The following NRG3 variants were observed in gnomAD, a reference collection of about 807,000 sequenced individuals.
The protein encoded by NRG3 is neuregulin 3.
In NRG3, 31 loss-of-function variants were observed where a neutral mutation model predicts 66.9. The observed-to-expected ratio is 0.46, with a 90% CI of 0.35 to 0.63. The LOEUF (loss-of-function observed/expected upper bound fraction) is 0.63, where lower values mean the gene tolerates loss of function less well. Ranked by LOEUF, NRG3 falls within the 20% of genes least tolerant of loss-of-function variation. The pLI is 0.00. For synonymous variants in NRG3, 393 were observed against 359.4 expected, an observed-to-expected ratio of 1.09 and a Z score of -1.06; for missense variants, 910 against 878.9, an observed-to-expected ratio of 1.04 and a Z score of -0.45.
At chr10:82,650,071 C>A (rs2133881711) in intron 2 of NRG3, among the ~76,000 whole-genome samples, 1 of 152,154 alleles carries the variant, frequency 6.6e-6, no homozygotes, top group Non-Finnish European at 1.5e-5. Flanking sequence ...AAGCATGGGG[C>A]CAGGTGGTAC....
intron 7 of NRG3, 24 bp downstream of exon 7, chr10:82,973,939 G>A (rs919549061): frequency 1.2e-6 from 2 of 1,613,300 alleles, no homozygotes; most frequent in Non-Finnish European, 1.7e-6. Context: ...ATCATGGTGG[G>A]TGTGGGCACC....
rs562982236 is a variant in NRG3, at chr10:81,897,618, C to T, written c.823+21455C>T. 4.6e-4 allele frequency among the ~76,000 whole-genome samples: 70 copies of T among 151,328 alleles called. 1 individual carries two copies. The South Asian group carries it at 0.011, about 23-fold the overall frequency. On this transcript the variant is annotated intron_variant, in intron 1 of 8. Coordinates refer to ENST00000372141, the MANE Select transcript of NRG3 (RefSeq NM_001010848.4). ...AGTTGGATTGGGTGGGGGGATGGGGCGAGGGATAAAAGAGTGGTTTTAAGC... is the reference window on the plus strand; with the variant it reads ...AGTTGGATTGGGTGGGGGGATGGGGTGAGGGATAAAAGAGTGGTTTTAAGC...
intron 1 of NRG3, among the ~76,000 whole-genome samples, chr10:82,185,284 C>T (rs1421349607): frequency 6.6e-6 from 1 of 152,136 alleles, no homozygotes; most frequent in Non-Finnish European, 1.5e-5. Context: ...ATGTAAGATG[C>T]TAGACTATCT....
chr10:82,590,649 G>C (rs1219135452), intron 2 of NRG3, among the ~76,000 whole-genome samples: 1 of 152,138 alleles, frequency 6.6e-6, no homozygotes, highest in African/African-American at 2.4e-5. Context: ...ATTAACAAGG[G>C]GTTGTGGTGC....
intron 4 of NRG3, among the ~76,000 whole-genome samples, chr10:82,881,651 T>G (rs914769197): frequency 6.6e-6 from 1 of 152,204 alleles, no homozygotes; most frequent in Non-Finnish European, 1.5e-5. Context: ...TATCAAATTT[T>G]GACTTCATCT....
chr10:82,249,083 TC>T (rs1180933780), intron 1 of NRG3, among the ~76,000 whole-genome samples: 1 of 152,326 alleles, frequency 6.6e-6, no homozygotes, highest in Admixed American at 6.5e-5. Context: ...CATAAGTCTG[TC>T]CTCTCTGAAA....
intron 2 of NRG3, among the ~76,000 whole-genome samples, chr10:82,689,255 G>A (rs1486366874): frequency 6.6e-6 from 1 of 152,120 alleles, no homozygotes; most frequent in African/African-American, 2.4e-5. Flanking sequence ...AAAGATACCT[G>A]AGAGAGAACT....
At chr10:82,205,488 ATCAGG>A (rs2075070835) in intron 1 of NRG3, among the ~76,000 whole-genome samples, 1 of 152,176 alleles carries the variant, frequency 6.6e-6, no homozygotes, top group Admixed American at 6.5e-5. Flanking sequence ...AGGTATATGA[ATCAGG>A]CTCAGTAAGA....
chr10:82,268,194 G>A (rs1279979293), intron 1 of NRG3, among the ~76,000 whole-genome samples: 1 of 152,128 alleles, frequency 6.6e-6, no homozygotes, highest in African/African-American at 2.4e-5. Context: ...CTGTAGTAGT[G>A]CCTATAAGAG....
chr10:82,313,904 C>T (rs2081166550), intron 1 of NRG3, among the ~76,000 whole-genome samples: 1 of 152,212 alleles, frequency 6.6e-6, no homozygotes, highest in African/African-American at 2.4e-5. Context: ...TGAGCATCAT[C>T]TCTTTGATTC....
intron 2 of NRG3, among the ~76,000 whole-genome samples, chr10:82,582,158 T>G (rs1171373977): frequency 1.3e-5 from 2 of 152,108 alleles, no homozygotes; most frequent in African/African-American, 4.8e-5. Context: ...AATTCCCTTT[T>G]CAGTCTTAGT....
intron 2 of NRG3, among the ~76,000 whole-genome samples, chr10:82,533,564 A>G (rs1432144523): frequency 6.6e-6 from 1 of 152,154 alleles, no homozygotes; most frequent in Non-Finnish European, 1.5e-5. Flanking sequence ...CTCTTTCAAC[A>G]AAGTAGGAAT....
At chr10:82,681,388 G>A (rs1322183035) in intron 2 of NRG3, among the ~76,000 whole-genome samples, 1 of 152,174 alleles carries the variant, frequency 6.6e-6, no homozygotes, top group Non-Finnish European at 1.5e-5. Flanking sequence ...CTAATATGCT[G>A]AGATTCTCAA....
intron 4 of NRG3, among the ~76,000 whole-genome samples, chr10:82,894,802 A>G (rs1056193703): frequency 6.6e-6 from 1 of 152,084 alleles, no homozygotes; most frequent in Non-Finnish European, 1.5e-5. Flanking sequence ...ATAGGTACAC[A>G]TGTGCCATGG....
intron 3 of NRG3, among the ~76,000 whole-genome samples, chr10:82,797,414 G>A (rs1445047389): frequency 1.3e-5 from 2 of 152,128 alleles, no homozygotes; most frequent in African/African-American, 4.8e-5. Context: ...AGGTGCCTTT[G>A]GGATGTCTCA....
intron 1 of NRG3, among the ~76,000 whole-genome samples, chr10:82,169,132 G>A (rs555533946): frequency 1.3e-5 from 2 of 152,162 alleles, no homozygotes; most frequent in African/African-American, 2.4e-5. Context: ...TGAAGAAAGC[G>A]ACGAGCATAT....
chr10:82,470,178 G>A (rs1011490446), intron 2 of NRG3, among the ~76,000 whole-genome samples: 8 of 152,138 alleles, frequency 5.3e-5, no homozygotes, highest in South Asian at 4.1e-4. Context: ...CTGAGCTCCC[G>A]TCTAAACAGA....
In NRG3 at chr10:82,956,778, C is replaced by T. The variant is rs187161382; in HGVS notation, c.1158-2171C>T. ...CTTTTTTGTGTGTGCGAATGAACCC[C>T]TGATAAAATCTTGTGGCTGTAACAT... On this transcript the variant is annotated intron_variant, in intron 5 of 8. Coordinates refer to ENST00000372141, the MANE Select transcript of NRG3 (RefSeq NM_001010848.4). Among the ~76,000 whole-genome samples the T allele has an allele frequency of 2.6e-5, 4 of 151,898 alleles. No individual in the cohort carries two copies. In the East Asian group the frequency reaches 7.7e-4, roughly 29 times the overall value.
intron 1 of NRG3, among the ~76,000 whole-genome samples, chr10:82,290,837 G>T (rs1353866688): frequency 1.3e-5 from 2 of 151,316 alleles, no homozygotes; most frequent in Admixed American, 6.6e-5. Context: ...TAGAGACGGG[G>T]TTTCACCATG....
Sources: allele counts gnomAD v4.1 joint callset (sites outside exome capture counted in the v4.1 genomes callset), GRCh38; gene constraint gnomAD v4.1.1; transcripts MANE v1.5; gene names NCBI Gene and HGNC (gene_info 2026-07-23, HGNC 2026-07-21).